Variants in CNTNAP5 observed in about 807,000 individuals in gnomAD.
CNTNAP5 encodes contactin-associated protein-like 5.
A neutral mutation model predicts 150.2 loss-of-function variants in CNTNAP5; 72 were observed. The ratio of observed to expected loss-of-function variants is 0.48; its 90% CI spans 0.40 to 0.58. The LOEUF (loss-of-function observed/expected upper bound fraction) is 0.58, where lower values mean the gene tolerates loss of function less well. CNTNAP5 is among the 20% of genes least tolerant of loss of function. The pLI is 0.00. For synonymous variants in CNTNAP5, 672 were observed against 619.8 expected (o/e 1.08, Z -1.25); for missense variants, 1,636 against 1,626.2 (o/e 1.01, Z -0.10).
intron 3 of CNTNAP5, among the ~76,000 whole-genome samples, chr2:124,306,459 G>T (rs1688693364): frequency 1.3e-5 from 2 of 152,184 alleles, no homozygotes. Context: ...TGGTCAGAGA[G>T]TTAATGACTC....
intron 12 of CNTNAP5, among the ~76,000 whole-genome samples, chr2:124,615,579 T>A (rs570819116): frequency 6.6e-6 from 1 of 152,196 alleles, no homozygotes; most frequent in African/African-American, 2.4e-5. Context: ...ACTGAAGTAA[T>A]GAACTTCTCA....
At chr2:124,414,288 G>C (rs73952957) in intron 3 of CNTNAP5, among the ~76,000 whole-genome samples, 5 of 152,040 alleles carry the variant, frequency 3.3e-5, no homozygotes, top group African/African-American at 1.2e-4. Flanking sequence ...ATAAGTGATT[G>C]ATTGACTTTG....
chr2:124,606,172 A>G (rs1697102757), intron 11 of CNTNAP5, among the ~76,000 whole-genome samples: 1 of 152,214 alleles, frequency 6.6e-6, no homozygotes, highest in Admixed American at 6.5e-5. Flanking sequence ...ATCACATTAT[A>G]ATATGTAGTT....
rs1680860066 is a variant in CNTNAP5 at position 124,025,583 on chromosome 2, GAGA to G, written c.-62_-60del. ...AGGCTGTGCAGAGGAGAGAGACAGC[GAGA>G]AGAAGCCGCGGCTGGCTACTGCGAA... On this transcript the variant is annotated 5_prime_UTR_variant, in exon 1 of 24. Transcript: ENST00000682447. 2.8e-6 allele frequency: 4 copies of G among 1,420,076 alleles called. No individual in the cohort carries two copies. Among genetic ancestry groups the G allele is most frequent in the Admixed American group, 3.3e-5 (2 of 59,736 alleles). The allele number at this position is 1,420,076 out of a possible 1,614,324, so 88.0% of individuals were successfully genotyped here. A position where few individuals can be genotyped will look rare whatever the true frequency, so the allele number is the denominator to read the frequency against.
intron 7 of CNTNAP5, among the ~76,000 whole-genome samples, chr2:124,479,319 C>CT (rs1385247124): frequency 6.6e-6 from 1 of 152,070 alleles, no homozygotes; most frequent in Admixed American, 6.6e-5. Flanking sequence ...AGAAATGATG[C>CT]TTTTTTTGAG....
chr2:124,029,582 C>T (rs780885229), intron 1 of CNTNAP5, among the ~76,000 whole-genome samples: 23 of 152,102 alleles, frequency 1.5e-4, no homozygotes, highest in African/African-American at 4.6e-4. Flanking sequence ...AGTTTTATTA[C>T]GAAAACCTTA....
intron 8 of CNTNAP5, among the ~76,000 whole-genome samples, chr2:124,505,186 G>T (rs1694374616): frequency 6.6e-6 from 1 of 152,126 alleles, no homozygotes; most frequent in Non-Finnish European, 1.5e-5. Flanking sequence ...TCTCTGCTAG[G>T]TTCTCTATAA....
At chr2:124,788,891 C>T (rs1050285641) in intron 17 of CNTNAP5, among the ~76,000 whole-genome samples, 1 of 152,108 alleles carries the variant, frequency 6.6e-6, no homozygotes, top group Non-Finnish European at 1.5e-5. Context: ...TCTTGGCCTC[C>T]CAAAATGCTA....
At chr2:124,422,396 C>T (rs531064251) in intron 4 of CNTNAP5, among the ~76,000 whole-genome samples, 1 of 152,274 alleles carries the variant, frequency 6.6e-6, no homozygotes, top group East Asian at 1.9e-4. Context: ...AGGCATCTTG[C>T]AACACTCTAG....
chr2:124,807,620 G>A (rs1260541322), intron 19 of CNTNAP5, among the ~76,000 whole-genome samples: 1 of 152,132 alleles, frequency 6.6e-6, no homozygotes, highest in Non-Finnish European at 1.5e-5. Context: ...GGATCAGTGG[G>A]GCTGGAAATC....
intron 1 of CNTNAP5, among the ~76,000 whole-genome samples, chr2:124,057,553 G>A (rs56387631): frequency 0.4 from 58,394 of 147,580 alleles, 11,882 homozygotes; most frequent in Admixed American, 0.45. Context: ...GACTCCCAAA[G>A]TGCTGGGATT....
chr2:124,498,490 T>C (rs531362038), intron 7 of CNTNAP5, among the ~76,000 whole-genome samples: 18 of 152,302 alleles, frequency 1.2e-4, no homozygotes, highest in African/African-American at 4.1e-4. Flanking sequence ...TAAATAGAGA[T>C]TGGGTCTCAT....
At chr2:124,628,904 A>T (rs1032971291) in intron 12 of CNTNAP5, among the ~76,000 whole-genome samples, 7 of 152,204 alleles carry the variant, frequency 4.6e-5, no homozygotes, top group Non-Finnish European at 8.8e-5. Context: ...AAAAAGCAGG[A>T]GTAGCAATCC....
intron 12 of CNTNAP5, among the ~76,000 whole-genome samples, chr2:124,614,483 A>G (rs1847432): frequency 0.4 from 60,310 of 152,100 alleles, 13,030 homozygotes; most frequent in Non-Finnish European, 0.49. Context: ...TCTGGATTAT[A>G]TGCTAAACAA....
chr2:124,365,322 AG>A lies in CNTNAP5; in HGVS notation c.382-52119del, dbSNP rs1286665896. Among the ~76,000 whole-genome samples, 274 of 149,196 alleles carry A rather than the reference AG, an allele frequency of 1.8e-3. 2 individuals are homozygous for A. The highest frequency in any genetic ancestry group is 6.3e-3 in the African/African-American group (256 of 40,938). The stretch of plus-strand genomic sequence containing the variant: ...GAGAGCAAGACTCTGTCCCAAAAAA[AG>A]GAAAAAAAAAAAAAAAGGATGGATG... On this transcript the variant is annotated intron_variant, in intron 3 of 23. Transcript: ENST00000682447.
At chr2:124,112,231 G>T (rs1281348942) in intron 1 of CNTNAP5, among the ~76,000 whole-genome samples, 2 of 152,150 alleles carry the variant, frequency 1.3e-5, no homozygotes, top group Non-Finnish European at 2.9e-5. Flanking sequence ...AGTTTCCAAA[G>T]ACATTGATTT....
At chr2:124,214,606 A>G (rs1686109348) in intron 1 of CNTNAP5, among the ~76,000 whole-genome samples, 1 of 152,242 alleles carries the variant, frequency 6.6e-6, no homozygotes, top group Non-Finnish European at 1.5e-5. Context: ...AATACAGGGA[A>G]GTGAAAAAGA....
At chr2:124,200,167 A>G (rs563014035) in intron 1 of CNTNAP5, among the ~76,000 whole-genome samples, 1 of 152,324 alleles carries the variant, frequency 6.6e-6, no homozygotes, top group African/African-American at 2.4e-5. Flanking sequence ...AGATGTTAAG[A>G]TATTTTTGTT....
At chr2:124,203,716 A>C (rs7578497) in intron 1 of CNTNAP5, among the ~76,000 whole-genome samples, 117,510 of 152,132 alleles carry the variant, frequency 0.77, 45,732 homozygotes, top group East Asian at 1. Context: ...AAGCAACGAT[A>C]TGAGCTTTAC....
Sources: allele counts gnomAD v4.1 joint callset (sites outside exome capture counted in the v4.1 genomes callset), GRCh38; gene constraint gnomAD v4.1.1; transcripts MANE v1.5; gene names NCBI Gene and HGNC (gene_info 2026-07-23, HGNC 2026-07-21).